Variants in ANKS3 observed in about 807,000 individuals in gnomAD.
ANKS3 encodes ankyrin repeat and sterile alpha motif domain containing 3.
ANKS3 carries 62 observed loss-of-function variants against 80.7 expected under a neutral mutation model. The ratio of observed to expected loss-of-function variants is 0.77; its 90% CI spans 0.63 to 0.95. The LOEUF is 0.95. Ranked by LOEUF, ANKS3 falls within the 40% of genes least tolerant of loss-of-function variation. The pLI is 0.00. For missense variants in ANKS3, 1,150 were observed against 883.6 expected, an observed-to-expected ratio of 1.30 and a Z score of -3.82; for synonymous variants, 489 against 355.3, an observed-to-expected ratio of 1.38 and a Z score of -4.23.
intron 3 of ANKS3, among the ~76,000 whole-genome samples, chr16:4,728,238 G>T (rs1363769886): frequency 1.3e-5 from 2 of 152,142 alleles, no homozygotes; most frequent in Non-Finnish European, 2.9e-5. Context: ...GTAGAGATGG[G>T]GTTTCACCGT....
In ANKS3 at chr16:4,696,913, C is replaced by T. The variant is rs903028105; in HGVS notation, c.*12-17G>A. On this transcript the variant is annotated splice_polypyrimidine_tract_variant and intron_variant, in intron 17 of 17. Coordinates refer to ENST00000304283, the MANE Select transcript of ANKS3 (RefSeq NM_133450.4). ...CGTCAGATTCTGAAAGAAAAAGCCC[C>T]GGTGAGAAGGGAGGGGGACAGGTGG... 10 of 1,059,096 alleles carry T rather than the reference C, an allele frequency of 9.4e-6. No homozygotes were observed. The highest frequency in any genetic ancestry group is 4.7e-5 in the African/African-American group (3 of 63,530). The allele number at this position is 1,059,096 out of a possible 1,614,324, so 65.6% of individuals were successfully genotyped here. A position where few individuals can be genotyped will look rare whatever the true frequency, so the allele number is the denominator to read the frequency against.
chr16:4,718,098 T>A (rs573860432), intron 6 of ANKS3, among the ~76,000 whole-genome samples: 38 of 149,534 alleles, frequency 2.5e-4, no homozygotes, highest in Middle Eastern at 3.4e-3. Flanking sequence ...TTTTTTTTTT[T>A]AATTTAGAGA....
chr16:4,700,564 G>A, intron 11 of ANKS3: 1 of 357,902 alleles, frequency 2.8e-6, no homozygotes, highest in Non-Finnish European at 5.5e-6. Context: ...GTAATGTGTG[G>A]TCAGAGGGAC....
At chr16:4,721,922 C>A (rs910860862) in intron 6 of ANKS3, among the ~76,000 whole-genome samples, 3 of 151,220 alleles carry the variant, frequency 2.0e-5, no homozygotes, top group Non-Finnish European at 4.4e-5. Flanking sequence ...AGGAGCGAGA[C>A]AATGCACCTG....
At chr16:4,709,611 C>T (rs953641992) in intron 7 of ANKS3, among the ~76,000 whole-genome samples, 16 of 152,124 alleles carry the variant, frequency 1.1e-4, no homozygotes, top group Admixed American at 9.2e-4. Context: ...TTTATATACA[C>T]AATTGAATAT....
At chr16:4,714,252 T>C (rs2080655584) in intron 6 of ANKS3, 66 bp from the exon 7 acceptor site, 1 of 1,590,440 alleles carries the variant, frequency 6.3e-7, no homozygotes, top group Non-Finnish European at 8.6e-7. Flanking sequence ...CCTGGGCTGC[T>C]GGCTGGGAAG....
chr16:4,698,536 CCACGGCGCG>C lies in ANKS3; in HGVS notation c.1606_1614del (p.Arg536_Val538del). The C allele has an allele frequency of 6.3e-7, 1 of 1,576,632 alleles. No homozygotes were observed. The highest frequency in any genetic ancestry group is 8.6e-7 in the Non-Finnish European group (1 of 1,169,300). On this transcript the variant is annotated inframe_deletion, in exon 14 of 18. Transcript: ENST00000304283. ...TCCTGCTCCAGCAGGCAGCTCTCCA[CCACGGCGCG>C]CAGCTCCTGCTCCTGACACACCTGG...
At chr16:4,708,294 A>G (rs1170326121) in intron 7 of ANKS3, among the ~76,000 whole-genome samples, 1 of 152,118 alleles carries the variant, frequency 6.6e-6, no homozygotes, top group Admixed American at 6.5e-5. Context: ...ACAAACAAAA[A>G]CAATCATAAT....
chr16:4,705,579 C>G (rs1284474292), intron 7 of ANKS3, among the ~76,000 whole-genome samples: 2 of 152,198 alleles, frequency 1.3e-5, no homozygotes, highest in African/African-American at 2.4e-5. Flanking sequence ...ATTCTCACGC[C>G]TCACCCTTCC....
intron 7 of ANKS3, among the ~76,000 whole-genome samples, chr16:4,707,322 C>A (rs1457781111): frequency 6.7e-6 from 1 of 148,274 alleles, no homozygotes; most frequent in East Asian, 2.0e-4. Context: ...CACTCCGTCA[C>A]CTAGGCTGGA....
At chr16:4,708,866 G>T (rs1222614894) in intron 7 of ANKS3, among the ~76,000 whole-genome samples, 1 of 151,884 alleles carries the variant, frequency 6.6e-6, no homozygotes, top group Non-Finnish European at 1.5e-5. Context: ...TTGAACCTGG[G>T]AGGCGGGGGT....
intron 6 of ANKS3, among the ~76,000 whole-genome samples, chr16:4,714,678 G>C (rs964343455): frequency 6.6e-6 from 1 of 152,338 alleles, no homozygotes; most frequent in African/African-American, 2.4e-5. Flanking sequence ...CCTAAATACA[G>C]AAAAGGCTTT....
At chr16:4,702,758 A>G (rs1202059118) in intron 8 of ANKS3, among the ~76,000 whole-genome samples, 1 of 152,054 alleles carries the variant, frequency 6.6e-6, no homozygotes, top group African/African-American at 2.4e-5. Flanking sequence ...ATATGAAATT[A>G]CCTAACTCTA....
chr16:4,705,208 G>A lies in ANKS3; in HGVS notation c.755C>T (p.Pro252Leu), dbSNP rs763914757. 9.3e-6 allele frequency: 15 copies of A among 1,614,036 alleles called. No individual in the cohort carries two copies. Among genetic ancestry groups the A allele is most frequent in the Non-Finnish European group, 1.2e-5 (14 of 1,180,036 alleles). The change falls in exon 8 of 18, where the codon CCT becomes CTT. Residue 252 changes from proline to leucine, a missense_variant. By Grantham distance (98) the Pro-to-Leu change is moderately conservative (BLOSUM62 -3). Coordinates refer to ENST00000304283, the MANE Select transcript of ANKS3 (RefSeq NM_133450.4). Reference protein sequence around the residue: ...LSSSDESCPAPQRQRPCRKKG... With the variant: ...LSSSDESCPALQRQRPCRKKG... The stretch of plus-strand genomic sequence containing the variant: ...CTTCCGGCAAGGCCTCTGTCTCTGA[G>A]GAGCAGGGCAGGACTCGTCAGAAGA...
intron 1 of ANKS3, among the ~76,000 whole-genome samples, 192 bp downstream of exon 1, chr16:4,733,746 A>C (rs1481715095): frequency 1.3e-5 from 2 of 152,164 alleles, no homozygotes; most frequent in African/African-American, 4.8e-5. Context: ...AAATATATAC[A>C]CCTACTACGT....
At chr16:4,709,996 G>C (rs1180137694) in intron 7 of ANKS3, among the ~76,000 whole-genome samples, 1 of 152,118 alleles carries the variant, frequency 6.6e-6, no homozygotes, top group Non-Finnish European at 1.5e-5. Context: ...GGGTGACAAA[G>C]CGAGAACCTG....
chr16:4,701,977 C>G, intron 9 of ANKS3, 125 bp downstream of exon 9: 1 of 1,232,012 alleles, frequency 8.1e-7, no homozygotes, highest in Non-Finnish European at 1.1e-6. Flanking sequence ...TCCACACCTA[C>G]CCCTTTCCTG....
intron 8 of ANKS3, 90 bp downstream of exon 8, chr16:4,705,005 T>C: frequency 2.0e-6 from 3 of 1,524,188 alleles, no homozygotes; most frequent in East Asian, 2.3e-5. Context: ...GCGACCCACA[T>C]TTCAGGAGCC....
chr16:4,727,278 AAGC>A, intron 3 of ANKS3, 101 bp from the exon 4 acceptor site: 1 of 1,238,306 alleles, frequency 8.1e-7, no homozygotes, highest in African/African-American at 1.5e-5. Context: ...AGTTGACAGG[AAGC>A]AGAAGTTATC....
Sources: gnomAD v4.1 joint callset for allele counts (sites outside exome capture counted in the v4.1 genomes callset) on GRCh38, gnomAD v4.1.1 for gene constraint, MANE v1.5 for transcripts, NCBI Gene and HGNC (gene_info 2026-07-23, HGNC 2026-07-21) for gene names.